Variants in SLC44A2 observed in about 807,000 individuals in gnomAD.
The protein encoded by SLC44A2 is choline transporter-like protein 2.
In SLC44A2, 57 loss-of-function variants were observed where a neutral mutation model predicts 90.8. The ratio of observed to expected loss-of-function variants is 0.63; its 90% CI spans 0.51 to 0.78. The LOEUF (loss-of-function observed/expected upper bound fraction) is 0.78, where lower values mean the gene tolerates loss of function less well. SLC44A2 is among the 30% of genes least tolerant of loss of function. The pLI is 0.00. For synonymous variants in SLC44A2, 355 were observed against 360.7 expected, an observed-to-expected ratio of 0.98 and a Z score of 0.18; for missense variants, 794 against 919.7, an observed-to-expected ratio of 0.86 and a Z score of 1.77.
chr19:10,636,794 G>T (rs932885220), intron 16 of SLC44A2, 38 bp downstream of exon 16: 4 of 1,588,342 alleles, frequency 2.5e-6, no homozygotes, highest in Non-Finnish European at 1.7e-6. Context: ...CTCCTGTTGC[G>T]GGGCGAGGCT....
At chr19:10,608,709 G>T (rs1318865591) in intron 1 of SLC44A2, among the ~76,000 whole-genome samples, 1 of 151,584 alleles carries the variant, frequency 6.6e-6, no homozygotes, top group Non-Finnish European at 1.5e-5. Flanking sequence ...AAGTGCAGTG[G>T]TACAATCTCG....
intron 1 of SLC44A2, chr19:10,602,655 C>CT: frequency 8.7e-7 from 1 of 1,155,646 alleles, no homozygotes; most frequent in Non-Finnish European, 1.1e-6. Flanking sequence ...GGCACCGGCG[C>CT]TGCGGCTGGA....
chr19:10,635,282 G>T, intron 13 of SLC44A2, 27 bp downstream of exon 13: 1 of 1,613,294 alleles, frequency 6.2e-7, no homozygotes, highest in South Asian at 1.1e-5. Context: ...ACTGATCTCT[G>T]ACCCCAGGGA....
rs376552555 is a variant in SLC44A2 at position 10,627,930 on chromosome 19, T to C, written c.171T>C (p.His57=). Residue 57 remains histidine, a synonymous_variant, in exon 4 of 22, where the codon CAT becomes CAC. Transcript: ENST00000335757. ...YVAVGIIAWT[H]GDPRKVIYPT... is the part of the protein sequence containing the mutation. Reference sequence around the variant, plus strand: ...TGGATCTTTCCACAGCCTGGACTCATGGAGACCCTCGAAAGGTGATCTACC... The same window carrying C: ...TGGATCTTTCCACAGCCTGGACTCACGGAGACCCTCGAAAGGTGATCTACC... 21 of 1,613,880 alleles carry C rather than the reference T, an allele frequency of 1.3e-5. No individual in the cohort carries two copies. Among genetic ancestry groups the C allele is most frequent in the Admixed American group, 6.7e-5 (4 of 59,956 alleles).
Position 10,632,057 on chromosome 19 carries a change from G to T in SLC44A2, c.724G>T (p.Ala242Ser). The change falls in exon 10 of 22, where the codon GCC (alanine) becomes TCC (serine). Residue 242 changes from alanine to serine, a missense_variant. Coordinates refer to ENST00000335757, the MANE Select transcript of SLC44A2 (RefSeq NM_020428.4). ...WYWIIIGLVIAMAMSLLFIIL... is the reference protein window; with the variant it reads ...WYWIIIGLVISMAMSLLFIIL... Reference sequence around the variant, plus strand: ...TCTTTTCCCCAGAGGCCTGGTCATTGCCATGGCGATGAGCCTCCTGTTCAT... The same window carrying T: ...TCTTTTCCCCAGAGGCCTGGTCATTTCCATGGCGATGAGCCTCCTGTTCAT... 1 of 1,614,144 alleles carries T rather than the reference G, an allele frequency of 6.2e-7. No homozygotes were observed. The highest frequency in any genetic ancestry group is 8.5e-7 in the Non-Finnish European group (1 of 1,180,004).
chr19:10,628,637 C>T (rs1599244859), intron 4 of SLC44A2, among the ~76,000 whole-genome samples: 1 of 152,168 alleles, frequency 6.6e-6, no homozygotes, highest in Non-Finnish European at 1.5e-5. Context: ...ACACACAGCT[C>T]TAAATGAGAT....
upstream of SLC44A2, among the ~76,000 whole-genome samples, chr19:10,621,974 C>G (rs2066898171): frequency 6.6e-6 from 1 of 152,180 alleles, no homozygotes; most frequent in South Asian, 2.1e-4. Flanking sequence ...GTTGCCCAGG[C>G]TGGTCTCGAA....
upstream of SLC44A2, chr19:10,625,405 G>T: frequency 8.7e-7 from 1 of 1,149,436 alleles, no homozygotes; most frequent in African/African-American, 1.6e-5. Flanking sequence ...AATGCGGCCG[G>T]CCGGTGAGTG....
At chr19:10,632,393 G>A (rs907161743) in intron 10 of SLC44A2, among the ~76,000 whole-genome samples, 4 of 151,774 alleles carry the variant, frequency 2.6e-5, no homozygotes, top group East Asian at 2.0e-4. Context: ...AAAATCAGCC[G>A]GGCATGGAGG....
At chr19:10,629,364 G>A (rs943014713) in intron 4 of SLC44A2, among the ~76,000 whole-genome samples, 21 of 150,980 alleles carry the variant, frequency 1.4e-4, no homozygotes, top group Non-Finnish European at 2.8e-4. Context: ...TGCAACCTCC[G>A]TCTCCCGGGT....
chr19:10,602,616 C>G, intron 1 of SLC44A2: 1 of 1,242,200 alleles, frequency 8.1e-7, no homozygotes, highest in Non-Finnish European at 1.0e-6. Flanking sequence ...GTGGGAGGAC[C>G]TTGAGCCAGG....
chr19:10,624,117 C>G (rs1221744028), upstream of SLC44A2, among the ~76,000 whole-genome samples: 2 of 152,084 alleles, frequency 1.3e-5, no homozygotes, highest in African/African-American at 4.8e-5. Flanking sequence ...CCTGCCTCAG[C>G]CTCCCAAGTA....
upstream of SLC44A2, among the ~76,000 whole-genome samples, chr19:10,620,603 G>C (rs865953494): frequency 5.3e-5 from 8 of 152,242 alleles, 1 homozygote; most frequent in Middle Eastern, 0.027. Context: ...CTTATTAAAT[G>C]TTTGTTTTAT....
At chr19:10,613,310 C>T (rs549980241) in intron 1 of SLC44A2, among the ~76,000 whole-genome samples, 2 of 151,320 alleles carry the variant, frequency 1.3e-5, no homozygotes, top group South Asian at 4.2e-4. Flanking sequence ...AGTGCAGTGG[C>T]GCAATCTTGG....
At chr19:10,628,050 A>G (rs770289420) in intron 4 of SLC44A2, 46 bp downstream of exon 4, 7 of 1,505,066 alleles carry the variant, frequency 4.7e-6, no homozygotes, top group Admixed American at 3.7e-5. Context: ...AAGAGGGGGC[A>G]GAAGATTCTA....
chr19:10,616,253 C>T (rs1395137928), intron 1 of SLC44A2, among the ~76,000 whole-genome samples: 1 of 151,882 alleles, frequency 6.6e-6, no homozygotes, highest in Non-Finnish European at 1.5e-5. Context: ...GTGAGAAAGA[C>T]AGGGTCTCAT....
At chr19:10,622,248 AGGAGGTGAGGGCAG>A (rs1377484657), upstream of SLC44A2, among the ~76,000 whole-genome samples, 1 of 151,968 alleles carries the variant, frequency 6.6e-6, no homozygotes, top group Non-Finnish European at 1.5e-5. Context: ...AGAGAGAGGG[AGGAGGTGAGGGCAG>A]GGAGGTGACA....
rs1355323261 is a variant in SLC44A2 at position 10,634,904 on chromosome 19, C to A, written c.955+17C>A. 1.9e-6 allele frequency: 3 copies of A among 1,614,090 alleles called. No homozygotes were observed. Among genetic ancestry groups the A allele is most frequent in the Non-Finnish European group, 2.5e-6 (3 of 1,180,044 alleles). ...TGGCCTTTAGTGAGTCACAGTCTCC[C>A]ATTCCTGCCCCCACATGAGGCCTTG... is the stretch of plus-strand genomic sequence containing the variant. On this transcript the variant is annotated intron_variant, in intron 11 of 21. Transcript: ENST00000335757.
intron 1 of SLC44A2, among the ~76,000 whole-genome samples, chr19:10,612,738 C>T (rs1409690919): frequency 6.6e-6 from 1 of 152,232 alleles, no homozygotes; most frequent in Non-Finnish European, 1.5e-5. Context: ...ATCGCCCACG[C>T]CCACTGCACT....
Sources: gnomAD v4.1 joint callset for allele counts (sites outside exome capture counted in the v4.1 genomes callset) on GRCh38, gnomAD v4.1.1 for gene constraint, MANE v1.5 for transcripts, NCBI Gene and HGNC (gene_info 2026-07-23, HGNC 2026-07-21) for gene names.